Variants in ASIC4 observed in about 807,000 individuals in gnomAD.
The protein encoded by ASIC4 is acid sensing ion channel subunit family member 4.
In ASIC4, 28 loss-of-function variants were observed where a neutral mutation model predicts 53.4. The observed-to-expected ratio is 0.52, with a 90% CI of 0.39 to 0.72. The LOEUF (loss-of-function observed/expected upper bound fraction) is 0.72, where lower values mean the gene tolerates loss of function less well. Ranked by LOEUF, ASIC4 falls within the 30% of genes least tolerant of loss-of-function variation. The pLI is 0.00. For synonymous variants in ASIC4, 289 were observed against 301.4 expected, an observed-to-expected ratio of 0.96 and a Z score of 0.43; for missense variants, 649 against 729.7, an observed-to-expected ratio of 0.89 and a Z score of 1.27.
intron 1 of ASIC4, among the ~76,000 whole-genome samples, chr2:219,531,277 G>C (rs1695036474): frequency 6.6e-6 from 1 of 152,074 alleles, no homozygotes; most frequent in Non-Finnish European, 1.5e-5. Flanking sequence ...GAAGCAGGAG[G>C]ATGGCTTGAG....
At chr2:219,521,978 T>C (rs1353555126) in intron 1 of ASIC4, among the ~76,000 whole-genome samples, 3 of 152,186 alleles carry the variant, frequency 2.0e-5, no homozygotes, top group African/African-American at 7.2e-5. Flanking sequence ...GCAGAGATCC[T>C]GAGAGTGGAG....
At chr2:219,533,034 T>C in intron 5 of ASIC4, 95 bp downstream of exon 5, 2 of 1,356,306 alleles carry the variant, frequency 1.5e-6, no homozygotes, top group Non-Finnish European at 2.1e-6. Flanking sequence ...CCTCCCAATC[T>C]CTTCCTGGAG....
rs1157187960 is a variant in ASIC4 at position 219,536,666 on chromosome 2, G to T, written c.1230-400G>T. The stretch of plus-strand genomic sequence containing the variant: ...GTGTGGAGGAAGCAGAAAAGACGGC[G>T]GCTGGGGAGGAAGGTGCCGGGGACA... On this transcript the variant is annotated intron_variant, in intron 6 of 9. Coordinates refer to ENST00000358078, the MANE Select transcript of ASIC4 (RefSeq NM_018674.6). The surrounding 1 kb of genome is among the most constrained non-coding windows in gnomAD (Gnocchi z 4.6). Among the ~76,000 whole-genome samples the T allele has an allele frequency of 6.6e-6, 1 of 151,998 alleles. No individual in the cohort carries two copies.
chr2:219,529,785 C>T (rs917984848), intron 1 of ASIC4, among the ~76,000 whole-genome samples: 2 of 152,150 alleles, frequency 1.3e-5, no homozygotes, highest in African/African-American at 4.8e-5. Context: ...GTTCTGTAAA[C>T]TCAGGGTGCT....
upstream of ASIC4, chr2:219,514,303 C>G (rs774767733): frequency 2.4e-5 from 36 of 1,497,150 alleles, no homozygotes; most frequent in Non-Finnish European, 3.1e-5. Context: ...ACGCTGTTGA[C>G]ATGTCCTGAA....
intron 5 of ASIC4, 54 bp from the exon 6 acceptor site, chr2:219,535,116 GC>G: frequency 6.4e-7 from 1 of 1,566,598 alleles, no homozygotes; most frequent in Non-Finnish European, 8.6e-7. Flanking sequence ...CAGCTGGTGG[GC>G]CACTGGACCA....
At chr2:219,520,646 A>T (rs536925048) in intron 1 of ASIC4, among the ~76,000 whole-genome samples, 2 of 152,116 alleles carry the variant, frequency 1.3e-5, no homozygotes, top group Non-Finnish European at 2.9e-5. Flanking sequence ...CAAGCCTCTT[A>T]TCTACCGCAC....
rs1436407830 is a variant in ASIC4, at chr2:219,518,996, C to T, written c.582+3690C>T. 2.0e-5 allele frequency among the ~76,000 whole-genome samples: 3 copies of T among 152,168 alleles called. No individual in the cohort carries two copies. Among genetic ancestry groups the T allele is most frequent in the Non-Finnish European group, 2.9e-5 (2 of 68,022 alleles). On this transcript the variant is annotated intron_variant, in intron 1 of 9. Transcript: ENST00000358078. The surrounding 1 kb of genome is among the most constrained non-coding windows in gnomAD (Gnocchi z 4.8). ...TCGGCTCACTACAGGCTCCGCCCCCCGGGGTTCATGCCATTCTCTTGCCTC... is the reference window on the plus strand; with the variant it reads ...TCGGCTCACTACAGGCTCCGCCCCCTGGGGTTCATGCCATTCTCTTGCCTC...
chr2:219,519,837 C>A (rs1352858203), intron 1 of ASIC4, among the ~76,000 whole-genome samples: 1 of 151,750 alleles, frequency 6.6e-6, no homozygotes, highest in East Asian at 1.9e-4. Flanking sequence ...GTCGGGCCAT[C>A]TACTCTGTGG....
rs1331919811 is a variant in ASIC4 at position 219,537,201 on chromosome 2, G to A, written c.1322-41G>A. On this transcript the variant is annotated intron_variant, in intron 7 of 9. Coordinates refer to ENST00000358078, the MANE Select transcript of ASIC4 (RefSeq NM_018674.6). This position sits in a 1 kb window ranked among gnomAD's most constrained non-coding sequence, Gnocchi z 4.9. ...CCCCCAGCTTGTGTGGGGGTGGATCGGCCCGGCCGCTCCCTCTGACACTGC... is the reference window on the plus strand; with the variant it reads ...CCCCCAGCTTGTGTGGGGGTGGATCAGCCCGGCCGCTCCCTCTGACACTGC... 4 of 1,611,728 alleles carry A rather than the reference G, an allele frequency of 2.5e-6. No individual in the cohort carries two copies. The highest frequency in any genetic ancestry group is 3.4e-6 in the Non-Finnish European group (4 of 1,178,160).
chr2:219,527,843 A>G (rs1416149414), intron 1 of ASIC4, among the ~76,000 whole-genome samples: 1 of 152,210 alleles, frequency 6.6e-6, no homozygotes. Flanking sequence ...CTCCCACCTC[A>G]TACCTCCTTC....
In ASIC4 at chr2:219,518,915, T is replaced by A. The variant is rs1399197290; in HGVS notation, c.582+3609T>A. ...CGGTTTGTGTATTCTTTTTTTTGTT[T>A]GTTTTTTTGAGACAGAGTCTCGTTG... On this transcript the variant is annotated intron_variant, in intron 1 of 9. Transcript: ENST00000358078. The surrounding 1 kb of genome is among the most constrained non-coding windows in gnomAD (Gnocchi z 4.8). Among the ~76,000 whole-genome samples, 1 of 152,192 alleles carries A rather than the reference T, an allele frequency of 6.6e-6. No individual in the cohort carries two copies. Among genetic ancestry groups the A allele is most frequent in the African/African-American group, 2.4e-5 (1 of 41,444 alleles).
At chr2:219,531,523 G>C (rs917277309) in intron 1 of ASIC4, among the ~76,000 whole-genome samples, 13 of 152,308 alleles carry the variant, frequency 8.5e-5, no homozygotes, top group African/African-American at 2.9e-4. Flanking sequence ...GGAAGGCAGG[G>C]TTTGGGAAGG....
chr2:219,537,002 A>T lies in ASIC4; in HGVS notation c.1230-64A>T. 3.6e-6 allele frequency: 5 copies of T among 1,405,928 alleles called. No individual in the cohort carries two copies. The South Asian group carries it at 5.9e-5, about 17-fold the overall frequency. 87.1% of individuals were successfully genotyped at this position (1,405,928 alleles called of 1,614,324 possible). The stretch of plus-strand genomic sequence containing the variant: ...CTGATCAGGATCTGCTGGATCCAGG[A>T]TGCCCCTGCCAGCCTTCTCAGGAAG... On this transcript the variant is annotated intron_variant, in intron 6 of 9. Transcript: ENST00000358078. The surrounding 1 kb of genome is among the most constrained non-coding windows in gnomAD (Gnocchi z 4.9).
rs1188159751 is a variant in ASIC4 at position 219,538,589 on chromosome 2, GC to G, written c.*546del. On this transcript the variant is annotated 3_prime_UTR_variant, in exon 10 of 10. Coordinates refer to ENST00000358078, the MANE Select transcript of ASIC4 (RefSeq NM_018674.6). The stretch of plus-strand genomic sequence containing the variant: ...GGGAGAGGATGGCCCAGCAGGCCTG[GC>G]CCAGCTCCCAGTTCCCCCTGCACCA... The G allele has an allele frequency of 6.3e-6, 1 of 159,502 alleles. No homozygotes were observed. The highest frequency in any genetic ancestry group is 1.9e-4 in the East Asian group (1 of 5,240). 9.9% of individuals were successfully genotyped at this position (159,502 alleles called of 1,614,324 possible).
chr2:219,508,345 G>C, the ASIC4 span, among the ~76,000 whole-genome samples: 1 of 152,152 alleles, frequency 6.6e-6, no homozygotes, highest in Admixed American at 6.5e-5. Flanking sequence ...GCAAAACACC[G>C]TGAAATCCAA....
chr2:219,535,884 T>C (rs151037320), intron 6 of ASIC4, among the ~76,000 whole-genome samples: 4,461 of 151,368 alleles, frequency 0.029, 209 homozygotes, highest in African/African-American at 0.1. Flanking sequence ...GCGATTCTTC[T>C]CCCTCAGCCT....
Position 219,515,144 on chromosome 2 carries a change from A to C in ASIC4, c.420A>C (p.Thr140=). ...DADIFHLANL[T]GLPPKDRDGH... is the part of the protein sequence containing the mutation. ...ACATCTTCCACCTGGCCAATCTGAC[A>C]GGGCTGCCCCCCAAAGACCGGGATG... Residue 140 remains threonine (T), a synonymous_variant, in exon 1 of 10, where the codon ACA becomes ACC. Coordinates refer to ENST00000358078, the MANE Select transcript of ASIC4 (RefSeq NM_018674.6). 6.2e-7 allele frequency: 1 copy of C among 1,614,148 alleles called. No individual in the cohort carries two copies. Among genetic ancestry groups the C allele is most frequent in the Non-Finnish European group, 8.5e-7 (1 of 1,180,020 alleles).
At chr2:219,534,537 T>C (rs1695096003) in intron 5 of ASIC4, among the ~76,000 whole-genome samples, 1 of 152,154 alleles carries the variant, frequency 6.6e-6, no homozygotes, top group Non-Finnish European at 1.5e-5. Context: ...CCCTCTCACC[T>C]TCTGTTTCTG....
Sources: gnomAD v4.1 joint callset for allele counts (sites outside exome capture counted in the v4.1 genomes callset) on GRCh38, gnomAD v4.1.1 for gene constraint, Gnocchi (gnomAD v3.1) non-coding constraint, MANE v1.5 for transcripts, NCBI Gene and HGNC (gene_info 2026-07-23, HGNC 2026-07-21) for gene names.